Variants in PRAG1 observed in about 807,000 individuals in gnomAD.
PRAG1 encodes the protein PEAK1 related, kinase-activating pseudokinase 1, also known as inactive tyrosine-protein kinase PRAG1.
Under a neutral mutation model 95.6 loss-of-function variants are expected in PRAG1, and 110 were observed. That is an observed-to-expected ratio of 1.15 (90% CI 0.99 to 1.35). The LOEUF is 1.35. PRAG1 is among the 40% of genes most tolerant of loss of function. The probability of loss-of-function intolerance (pLI) is 0.00; values close to 1 mark genes in which losing one functional copy is unlikely to be tolerated. For synonymous variants in PRAG1, 1,052 were observed against 819.4 expected (o/e 1.28, Z -4.85); for missense variants, 2,554 against 1,864.7 (o/e 1.37, Z -6.81).
chr8:8,361,229 G>T (rs1346956508), intron 3 of PRAG1, among the ~76,000 whole-genome samples: 2 of 152,190 alleles, frequency 1.3e-5, no homozygotes, highest in Non-Finnish European at 2.9e-5. Context: ...CTTAGTAGGG[G>T]AGGAAAGGGA....
chr8:8,378,160 G>A (rs1800499218), intron 2 of PRAG1, 82 bp from the exon 3 acceptor site: 3 of 1,448,840 alleles, frequency 2.1e-6, no homozygotes, highest in Admixed American at 4.6e-5. Context: ...AGAGGGAAGG[G>A]CAACGATACT....
At chr8:8,324,468 T>C (rs975011270) in intron 5 of PRAG1, among the ~76,000 whole-genome samples, 2 of 152,074 alleles carry the variant, frequency 1.3e-5, no homozygotes, top group African/African-American at 2.4e-5. Flanking sequence ...TAACTAGCCC[T>C]GTGAGTGAGC....
chr8:8,336,902 C>A (rs1381024316), intron 4 of PRAG1, among the ~76,000 whole-genome samples: 3 of 69,162 alleles, frequency 4.3e-5, no homozygotes, highest in Non-Finnish European at 7.9e-5. Flanking sequence ...CCTCCCCACA[C>A]CCCTTTCCCC....
At chr8:8,345,092 T>TGTGTGTGTGTGTGTGTG (rs1491425198) in intron 3 of PRAG1, among the ~76,000 whole-genome samples, 21 of 124,928 alleles carry the variant, frequency 1.7e-4, no homozygotes, top group South Asian at 2.4e-4. Flanking sequence ...TGTGTGTGTG[T>TGTGTGTGTGTGTGTGTG]TAGGGAGGAA....
At position 8,318,131 on chromosome 8, in the gene PRAG1, G is replaced by A; in HGVS notation, c.*23C>T. ...AAGGGTTAGGCAGGGAAGGGGCAGC[G>A]ACGGTGCAGGCTGGGGCTTGGCTCA... On this transcript the variant is annotated 3_prime_UTR_variant, in exon 6 of 6. Transcript: ENST00000615670. The surrounding 1 kb of genome is among the most constrained non-coding windows in gnomAD (Gnocchi z 4.2). The A allele has an allele frequency of 6.3e-7, 1 of 1,592,348 alleles. No individual in the cohort carries two copies. The highest frequency in any genetic ancestry group is 1.3e-5 in the African/African-American group (1 of 74,624).
chr8:8,386,049 T>G (rs1197707645), intron 1 of PRAG1, among the ~76,000 whole-genome samples: 1 of 152,156 alleles, frequency 6.6e-6, no homozygotes, highest in Non-Finnish European at 1.5e-5. Flanking sequence ...CTCCTGGAAC[T>G]CGTAGGAAAG....
At chr8:8,384,119 C>T (rs988899830) in intron 1 of PRAG1, among the ~76,000 whole-genome samples, 2 of 152,206 alleles carry the variant, frequency 1.3e-5, no homozygotes, top group Non-Finnish European at 2.9e-5. Context: ...TGACACTGGG[C>T]TATCTGAGGA....
intron 3 of PRAG1, among the ~76,000 whole-genome samples, chr8:8,348,288 A>T (rs1799412190): frequency 6.6e-6 from 1 of 152,160 alleles, no homozygotes; most frequent in Non-Finnish European, 1.5e-5. Context: ...AAAATGGACG[A>T]TCCTGAAAGA....
At position 8,376,988 on chromosome 8, in the gene PRAG1, A is replaced by T. The variant is rs1392029098; in HGVS notation, c.1421T>A (p.Ile474Asn). 3.7e-6 allele frequency: 6 copies of T among 1,613,678 alleles called. No homozygotes were observed. The highest frequency in any genetic ancestry group is 2.2e-5 in the East Asian group (1 of 44,864). ...TTCCGGGTGGGCCGCCATGACTGTG[A>T]TGGTGGCTGACACCTGGGGAGTTGG... ...PDPTPQVSAT[I>N]TVMAAHPEED... The change falls in exon 3 of 6, where the codon ATC becomes AAC. Residue 474 changes from isoleucine to asparagine, a missense_variant. Coordinates refer to ENST00000615670, the MANE Select transcript of PRAG1 (RefSeq NM_001080826.3).
At chr8:8,327,288 G>C (rs1285929777) in intron 5 of PRAG1, among the ~76,000 whole-genome samples, 2 of 152,198 alleles carry the variant, frequency 1.3e-5, no homozygotes, top group Admixed American at 6.5e-5. Context: ...AATGCTTAGG[G>C]GTCAGGGGTG....
intron 5 of PRAG1, among the ~76,000 whole-genome samples, chr8:8,324,895 G>T (rs1798584869): frequency 6.6e-6 from 1 of 152,146 alleles, no homozygotes; most frequent in African/African-American, 2.4e-5. Flanking sequence ...TATTCATGCG[G>T]TGGAGCTACA....
chr8:8,338,767 A>G (rs1343289898), intron 4 of PRAG1, among the ~76,000 whole-genome samples: 1 of 152,214 alleles, frequency 6.6e-6, no homozygotes, highest in Non-Finnish European at 1.5e-5. Flanking sequence ...ATAGGACTGA[A>G]AAAGGAAGTC....
Position 8,318,856 on chromosome 8 carries a change from G to A in PRAG1, c.3519C>T (p.Ala1173=). 6 of 1,271,516 alleles carry A rather than the reference G, an allele frequency of 4.7e-6. No homozygotes were observed. The South Asian group carries it at 7.6e-5, about 16-fold the overall frequency. 78.8% of individuals were successfully genotyped at this position (1,271,516 alleles called of 1,614,324 possible). Residue 1173 remains alanine, a synonymous_variant, in exon 6 of 6, where the codon GCC becomes GCT. Transcript: ENST00000615670. This position sits in a 1 kb window ranked among gnomAD's most constrained non-coding sequence, Gnocchi z 4.2. ...GPAPAPAPAP[A]PAAAAPPCSS... ...AGCAGGGAGGCGCGGCGGCGGCGGG[G>A]GCGGGAGCCGGGGCGGGGGCGGGGG...
rs1388116022 is a variant in PRAG1 at position 8,319,143 on chromosome 8, T to G, written c.3232A>C (p.Thr1078Pro). 2 of 1,604,480 alleles carry G rather than the reference T, an allele frequency of 1.2e-6. No homozygotes were observed. Among genetic ancestry groups the G allele is most frequent in the African/African-American group, 2.7e-5 (2 of 74,724 alleles). The stretch of plus-strand genomic sequence containing the variant: ...TCCTGCTCCTGGGCAGGGGGGTGTG[T>G]GGGCAGGGCAGGCACAGGGTCCTTG... ...APKDPVPALPTHPPAQEQDCV... is the reference protein window; with the variant it reads ...APKDPVPALPPHPPAQEQDCV... The change falls in exon 6 of 6, where the codon ACA (threonine) becomes CCA (proline). Residue 1078 changes from threonine (T) to proline (P), a missense_variant. By Grantham distance (38) the Thr-to-Pro change is conservative (BLOSUM62 -1). Coordinates refer to ENST00000615670, the MANE Select transcript of PRAG1 (RefSeq NM_001080826.3).
intron 4 of PRAG1, among the ~76,000 whole-genome samples, chr8:8,338,728 G>C (rs552969747): frequency 6.6e-6 from 1 of 152,160 alleles, no homozygotes; most frequent in African/African-American, 2.4e-5. Flanking sequence ...CCTCTACTGT[G>C]TCATTGCCTA....
chr8:8,366,584 G>A (rs951179751), intron 3 of PRAG1, among the ~76,000 whole-genome samples: 3 of 151,892 alleles, frequency 2.0e-5, no homozygotes, highest in Admixed American at 6.6e-5. Context: ...AAAGTGCTGG[G>A]ATTACAGATG....
intron 4 of PRAG1, among the ~76,000 whole-genome samples, chr8:8,329,704 C>T (rs1326569370): frequency 6.6e-6 from 1 of 152,196 alleles, no homozygotes; most frequent in African/African-American, 2.4e-5. Context: ...CCCTTCTCTG[C>T]TTTCTCCAAC....
intron 3 of PRAG1, among the ~76,000 whole-genome samples, chr8:8,340,837 G>A (rs1191197585): frequency 4.6e-5 from 7 of 151,178 alleles, no homozygotes; most frequent in Non-Finnish European, 1.0e-4. Context: ...TGTTAAATCT[G>A]TCAAAAAAAA....
intron 3 of PRAG1, among the ~76,000 whole-genome samples, chr8:8,350,926 GGATGGA>G (rs1799500050): frequency 1.3e-5 from 2 of 151,976 alleles, no homozygotes; most frequent in Non-Finnish European, 2.9e-5. Context: ...ATGGATGGAT[GGATGGA>G]TGGATGGATG....
Sources: gnomAD v4.1 joint callset for allele counts (sites outside exome capture counted in the v4.1 genomes callset) on GRCh38, gnomAD v4.1.1 for gene constraint, Gnocchi (gnomAD v3.1) non-coding constraint, MANE v1.5 for transcripts, NCBI Gene and HGNC (gene_info 2026-07-23, HGNC 2026-07-21) for gene names.